The following ZBTB20 variants were observed in gnomAD, a reference collection of about 807,000 sequenced individuals.
The protein encoded by ZBTB20 is zinc finger and BTB domain-containing protein 20.
A neutral mutation model predicts 56.9 loss-of-function variants in ZBTB20; 9 were observed. The observed-to-expected ratio is 0.16, with a 90% CI of 0.10 to 0.28. ZBTB20 has a LOEUF of 0.28. ZBTB20 is among the 10% of genes least tolerant of loss of function. The pLI is 1.00. For synonymous variants in ZBTB20, 417 were observed against 420.7 expected, an observed-to-expected ratio of 0.99 and a Z score of 0.11; for missense variants, 655 against 1,003.0, an observed-to-expected ratio of 0.65 and a Z score of 4.69.
At chr3:114,432,596 C>T (rs1180378573) in intron 7 of ZBTB20, among the ~76,000 whole-genome samples, 1 of 152,106 alleles carries the variant, frequency 6.6e-6, no homozygotes, top group Non-Finnish European at 1.5e-5. Context: ...GCTTTTGGAA[C>T]CTTTCTGAGG....
At chr3:114,402,346 A>T (rs2086897960) in intron 7 of ZBTB20, among the ~76,000 whole-genome samples, 1 of 152,198 alleles carries the variant, frequency 6.6e-6, no homozygotes, top group Non-Finnish European at 1.5e-5. Context: ...CCATAAACAA[A>T]GGAGTATTGA....
chr3:114,574,695 T>C (rs1463271459), intron 6 of ZBTB20, among the ~76,000 whole-genome samples: 2 of 152,218 alleles, frequency 1.3e-5, no homozygotes, highest in Admixed American at 1.3e-4. Context: ...CTGGTCTGTA[T>C]TCCAGGTTTC....
At chr3:115,140,954 T>A (rs1326622832) in intron 1 of ZBTB20, among the ~76,000 whole-genome samples, 1 of 152,160 alleles carries the variant, frequency 6.6e-6, no homozygotes, top group African/African-American at 2.4e-5. Flanking sequence ...TCTGTTTACC[T>A]CATACTGTCA....
chr3:114,512,740 T>C (rs1224336931), intron 6 of ZBTB20, among the ~76,000 whole-genome samples: 3 of 152,180 alleles, frequency 2.0e-5, no homozygotes, highest in Non-Finnish European at 2.9e-5. Flanking sequence ...AATGAGTCCT[T>C]ACAATCTGAT....
At chr3:114,541,053 A>G (rs764983494) in intron 6 of ZBTB20, among the ~76,000 whole-genome samples, 1 of 152,092 alleles carries the variant, frequency 6.6e-6, no homozygotes, top group Non-Finnish European at 1.5e-5. Context: ...AGGGAATAGT[A>G]AGACCATACA....
chr3:114,897,030 G>A lies in ZBTB20; in HGVS notation c.-417+3274C>T, dbSNP rs1341558970. ...GATGGCGAGGGAACTGGTAGTGATAGAAATGACAGTAGCATAGCTAAGATT... is the reference window on the plus strand; with the variant it reads ...GATGGCGAGGGAACTGGTAGTGATAAAAATGACAGTAGCATAGCTAAGATT... On this transcript the variant is annotated intron_variant, in intron 4 of 11. Transcript: ENST00000675478. 2.0e-5 allele frequency among the ~76,000 whole-genome samples: 3 copies of A among 152,120 alleles called. No homozygotes were observed. In the East Asian group the frequency reaches 5.8e-4, roughly 29 times the overall value.
At chr3:114,753,153 A>G (rs1161193922) in intron 5 of ZBTB20, among the ~76,000 whole-genome samples, 1 of 151,628 alleles carries the variant, frequency 6.6e-6, no homozygotes, top group South Asian at 2.1e-4. Flanking sequence ...ATTATGAAAT[A>G]ATATGAGGAT....
intron 3 of ZBTB20, among the ~76,000 whole-genome samples, chr3:114,903,796 A>T (rs1560381783): frequency 1.3e-5 from 2 of 152,028 alleles, no homozygotes; most frequent in Admixed American, 1.3e-4. Context: ...CTTAGCAATC[A>T]CATGTAGGCA....
At chr3:115,031,175 C>G (rs2080660686) in intron 2 of ZBTB20, among the ~76,000 whole-genome samples, 1 of 151,452 alleles carries the variant, frequency 6.6e-6, no homozygotes, top group African/African-American at 2.4e-5. Flanking sequence ...ACAGCTTCGG[C>G]TGTGCTGCTC....
At chr3:114,851,494 C>T (rs1483636916) in intron 4 of ZBTB20, among the ~76,000 whole-genome samples, 2 of 151,878 alleles carry the variant, frequency 1.3e-5, no homozygotes, top group African/African-American at 4.8e-5. Flanking sequence ...TTTTAATTTC[C>T]TCCATTTCTC....
chr3:114,496,481 G>GTCCCTAC (rs1224090284), intron 7 of ZBTB20, among the ~76,000 whole-genome samples: 4 of 152,130 alleles, frequency 2.6e-5, no homozygotes, highest in Non-Finnish European at 4.4e-5. Context: ...CTTTCAATAG[G>GTCCCTAC]TCCCTACTCC....
intron 6 of ZBTB20, among the ~76,000 whole-genome samples, chr3:114,654,525 T>G (rs572776635): frequency 6.6e-6 from 1 of 152,170 alleles, no homozygotes; most frequent in South Asian, 2.1e-4. Context: ...GAAACTCATT[T>G]GATGAACCAG....
chr3:114,984,398 C>T (rs1240696106), intron 2 of ZBTB20, among the ~76,000 whole-genome samples: 1 of 151,978 alleles, frequency 6.6e-6, no homozygotes. Flanking sequence ...TTTCTCAAAT[C>T]CTCCCTCCAA....
Position 114,316,264 on chromosome 3 carries a change from G to T in ZBTB20, c.*22741C>A. The T allele has an allele frequency of 3.0e-6, 1 of 331,920 alleles. No individual in the cohort carries two copies. The allele number at this position is 331,920 out of a possible 1,614,324, so 20.6% of individuals were successfully genotyped here. The stretch of plus-strand genomic sequence containing the variant: ...CCATTTTTCCTTTTTCACTAACACT[G>T]TTCCTTTTTTTCCTTGTTACAATCC... On this transcript the variant is annotated 3_prime_UTR_variant, in exon 12 of 12. Transcript: ENST00000675478.
intron 7 of ZBTB20, among the ~76,000 whole-genome samples, chr3:114,408,766 T>A (rs1341351978): frequency 2.8e-5 from 4 of 142,008 alleles, no homozygotes; most frequent in Admixed American, 1.5e-4. Context: ...CACATTTATA[T>A]ACTTTTTCTT....
At chr3:114,970,830 G>A (rs529367011) in intron 3 of ZBTB20, among the ~76,000 whole-genome samples, 12 of 152,116 alleles carry the variant, frequency 7.9e-5, no homozygotes, top group Admixed American at 1.3e-4. Flanking sequence ...CCTGGCTAAC[G>A]CGGTGAAACC....
At chr3:114,700,817 G>A (rs936973351) in intron 5 of ZBTB20, among the ~76,000 whole-genome samples, 1 of 152,162 alleles carries the variant, frequency 6.6e-6, no homozygotes, top group African/African-American at 2.4e-5. Flanking sequence ...CAAAATCATT[G>A]TAATTAAGAT....
At chr3:114,663,216 A>C (rs1164492592) in intron 6 of ZBTB20, among the ~76,000 whole-genome samples, 1 of 146,124 alleles carries the variant, frequency 6.8e-6, no homozygotes, top group Non-Finnish European at 1.5e-5. Context: ...AAGCCAGAAG[A>C]GAGTGGGGGC....
At chr3:114,504,168 C>T (rs1364147487) in intron 6 of ZBTB20, among the ~76,000 whole-genome samples, 1 of 152,096 alleles carries the variant, frequency 6.6e-6, no homozygotes. Context: ...TGGTTAGAGC[C>T]ACACAGGCTT....
Sources: allele counts gnomAD v4.1 joint callset (sites outside exome capture counted in the v4.1 genomes callset), GRCh38; gene constraint gnomAD v4.1.1; transcripts MANE v1.5; gene names NCBI Gene and HGNC (gene_info 2026-07-23, HGNC 2026-07-21).